The following CELA3B variants were observed in gnomAD, a reference collection of about 807,000 sequenced individuals.
CELA3B encodes chymotrypsin like elastase 3B.
In CELA3B, 34 loss-of-function variants were observed where a neutral mutation model predicts 37.2. That is an observed-to-expected ratio of 0.91 (90% CI 0.70 to 1.22). The LOEUF is 1.22. Among genes scored for constraint, CELA3B ranks in the 50% most tolerant of loss-of-function variants. The pLI is 0.00. For synonymous variants in CELA3B, 127 were observed against 143.5 expected, an observed-to-expected ratio of 0.89 and a Z score of 0.82; for missense variants, 340 against 363.1, an observed-to-expected ratio of 0.94 and a Z score of 0.52.
intron 2 of CELA3B, among the ~76,000 whole-genome samples, chr1:21,979,231 C>A (rs1328280410): frequency 6.6e-6 from 1 of 151,100 alleles, no homozygotes; most frequent in Non-Finnish European, 1.5e-5. Flanking sequence ...CGCCACCAAG[C>A]CCGGCTAATT....
At chr1:21,983,379 T>C (rs771325324) in intron 4 of CELA3B, among the ~76,000 whole-genome samples, 6 of 150,194 alleles carry the variant, frequency 4.0e-5, no homozygotes, top group Non-Finnish European at 8.9e-5. Context: ...AAAAATTTGC[T>C]CTGCCTTAAG....
Position 21,996,163 on chromosome 1 carries a change from A to C in CELA3B, c.505-1988A>C, listed in dbSNP as rs180905113. Among the ~76,000 whole-genome samples the C allele has an allele frequency of 4.4e-4, 67 of 151,344 alleles. 1 individual carries two copies. Among genetic ancestry groups the C allele is most frequent in the Middle Eastern group, 6.8e-3 (2 of 294 alleles). ...GGGAGGTGGAGGCTGCAGTGAGCCGAGATCGCGCCACTGTACTCCAGCCTG... is the reference window on the plus strand; with the variant it reads ...GGGAGGTGGAGGCTGCAGTGAGCCGCGATCGCGCCACTGTACTCCAGCCTG... On this transcript the variant is annotated intron_variant, in intron 4 of 4. Coordinates refer to the CELA3B transcript ENST00000400277.
At chr1:21,977,385 C>A (rs1472534971) in intron 1 of CELA3B, among the ~76,000 whole-genome samples, 4 of 152,080 alleles carry the variant, frequency 2.6e-5, no homozygotes, top group Non-Finnish European at 5.9e-5. Context: ...GTTGGAATTT[C>A]CACTGTTCTG....
At chr1:21,983,855 C>A in intron 5 of CELA3B, 25 bp downstream of exon 5, 1 of 1,611,966 alleles carries the variant, frequency 6.2e-7, no homozygotes, top group Non-Finnish European at 8.5e-7. Context: ...CTCTAGCTGG[C>A]CACAGGGACA....
chr1:21,984,086 C>A, intron 5 of CELA3B, 103 bp from the exon 6 acceptor site: 2 of 1,417,876 alleles, frequency 1.4e-6, no homozygotes, highest in Non-Finnish European at 9.7e-7. Context: ...GGAGGAGAGT[C>A]CTCATCAGAG....
At chr1:21,993,274 A>T (rs1318409861), downstream of CELA3B, among the ~76,000 whole-genome samples, 1 of 151,224 alleles carries the variant, frequency 6.6e-6, no homozygotes, top group Non-Finnish European at 1.5e-5. Flanking sequence ...CAGACTGGCC[A>T]ACATGGCGAA....
chr1:21,980,734 A>G, intron 2 of CELA3B, 90 bp from the exon 3 acceptor site: 1 of 901,264 alleles, frequency 1.1e-6, no homozygotes. Flanking sequence ...CGCCCTCTAG[A>G]GTTGCACAGT....
intron 4 of CELA3B, among the ~76,000 whole-genome samples, chr1:21,996,869 A>G (rs928041200): frequency 6.6e-6 from 1 of 151,166 alleles, no homozygotes; most frequent in Non-Finnish European, 1.5e-5. Flanking sequence ...CAGGTGGGGC[A>G]CCTGCAGGGC....
chr1:21,986,297 A>G (rs1288031226), intron 6 of CELA3B, among the ~76,000 whole-genome samples: 4 of 151,934 alleles, frequency 2.6e-5, no homozygotes, highest in Non-Finnish European at 4.4e-5. Flanking sequence ...TGAACCTGGG[A>G]GCCGGGAGAC....
At chr1:21,995,197 G>A (rs975353863) in intron 4 of CELA3B, among the ~76,000 whole-genome samples, 3 of 143,124 alleles carry the variant, frequency 2.1e-5, no homozygotes, top group African/African-American at 7.9e-5. Flanking sequence ...AGGCTGGAGT[G>A]CAGTGGCATG....
chr1:21,991,375 G>A (rs542487423), downstream of CELA3B, among the ~76,000 whole-genome samples: 35 of 146,924 alleles, frequency 2.4e-4, 1 homozygote, highest in African/African-American at 6.7e-4. Context: ...TCGCTCTGTC[G>A]CCCAGGCTGG....
downstream of CELA3B, among the ~76,000 whole-genome samples, chr1:21,993,588 G>A (rs1387158725): frequency 6.6e-5 from 10 of 150,432 alleles, no homozygotes; most frequent in South Asian, 2.1e-4. Flanking sequence ...TCTGTTGTCC[G>A]GCTGGAGTAC....
At chr1:21,985,877 C>T (rs111766277) in intron 6 of CELA3B, among the ~76,000 whole-genome samples, 69,435 of 150,822 alleles carry the variant, frequency 0.46, 19,167 homozygotes, top group Middle Eastern at 0.69. Flanking sequence ...GGCGACAGAG[C>T]GAGACACTGA....
chr1:21,981,186 C>G lies in CELA3B; in HGVS notation c.362+14C>G, dbSNP rs1210861950. On this transcript the variant is annotated intron_variant, in intron 4 of 7. Coordinates refer to ENST00000337107, the MANE Select transcript of CELA3B (RefSeq NM_007352.4). ...TGTGGCCTGTGGGTGAGTGAATGCT[C>G]CGGTCTGGAACCCAGAGGCTCCTCT... 2 of 1,610,436 alleles carry G rather than the reference C, an allele frequency of 1.2e-6. No individual in the cohort carries two copies.
In CELA3B at chr1:21,995,998, G is replaced by A. The variant is rs184351944; in HGVS notation, c.505-2153G>A. On this transcript the variant is annotated intron_variant, in intron 4 of 4. Coordinates refer to the CELA3B transcript ENST00000400277. ...GGAGGCTGAGGCGGGCAGATCACCT[G>A]AGGTCGGGAGTTCGAGACCAACCTG... Among the ~76,000 whole-genome samples the A allele has an allele frequency of 2.1e-3, 316 of 150,094 alleles. 11 individuals carry two copies. The highest frequency in any genetic ancestry group is 7.6e-3 in the African/African-American group (306 of 40,084).
In CELA3B at chr1:21,995,131, C is replaced by A. The variant is rs374548426; in HGVS notation, c.505-3020C>A. On this transcript the variant is annotated intron_variant, in intron 4 of 4. Coordinates refer to the CELA3B transcript ENST00000400277. ...GCTGTCCCCAATATTGGCTCTCCCC[C>A]TTTCTTTTCTTTCTTTTTTTTTTTT... Among the ~76,000 whole-genome samples the A allele has an allele frequency of 1.1e-3, 134 of 120,976 alleles. 7 individuals are homozygous for A. Among genetic ancestry groups the A allele is most frequent in the African/African-American group, 4.6e-3 (123 of 26,480 alleles). 79.4% of individuals were successfully genotyped at this position (120,976 alleles called of 152,430 possible).
At chr1:21,983,354 CAA>C (rs11288635) in intron 4 of CELA3B, among the ~76,000 whole-genome samples, 7 of 147,014 alleles carry the variant, frequency 4.8e-5, no homozygotes, top group Admixed American at 6.8e-5. Flanking sequence ...GACTCTGACT[CAA>C]AAAAAAAAAT....
In CELA3B at chr1:21,984,244, T is replaced by C. The variant is rs756871110; in HGVS notation, c.555T>C (p.Tyr185=). ...LQEALLPVVD[Y]EHCSRWNWWG... The stretch of plus-strand genomic sequence containing the variant: ...AGGCCCTGCTGCCGGTGGTGGACTA[T>C]GAACACTGCTCCAGGTGGAACTGGT... Residue 185 remains tyrosine (Y), a synonymous_variant, in exon 6 of 8, where the codon TAT becomes TAC. Coordinates refer to ENST00000337107, the MANE Select transcript of CELA3B (RefSeq NM_007352.4). 4 of 1,614,202 alleles carry C rather than the reference T, an allele frequency of 2.5e-6. No individual in the cohort carries two copies. The highest frequency in any genetic ancestry group is 1.1e-5 in the South Asian group (1 of 91,082).
intron 1 of CELA3B, chr1:21,977,746 T>C (rs1415074261): frequency 9.7e-6 from 3 of 308,502 alleles, no homozygotes; most frequent in African/African-American, 6.8e-5. Context: ...TTTTTTTTTG[T>C]TGAGATGGGG....
Sources: gnomAD v4.1 joint callset for allele counts (sites outside exome capture counted in the v4.1 genomes callset) on GRCh38, gnomAD v4.1.1 for gene constraint, MANE v1.5 for transcripts, NCBI Gene and HGNC (gene_info 2026-07-23, HGNC 2026-07-21) for gene names.